The following ESRRG variants were observed in gnomAD, a reference collection of about 807,000 sequenced individuals.
ESRRG encodes the protein estrogen-related receptor gamma.
In ESRRG, 13 loss-of-function variants were observed where a neutral mutation model predicts 44.0. The ratio of observed to expected loss-of-function variants is 0.30; its 90% confidence interval spans 0.19 to 0.47. The LOEUF is 0.47. Ranked by LOEUF, ESRRG falls within the 20% of genes least tolerant of loss-of-function variation. ESRRG has a pLI of 1.00. For synonymous variants in ESRRG, 215 were observed against 214.6 expected (o/e 1.00, Z -0.02); for missense variants, 395 against 580.6 (o/e 0.68, Z 3.29).
intron 2 of ESRRG, among the ~76,000 whole-genome samples, chr1:216,879,484 C>CAAAAAAAAAAA (rs755104959): frequency 4.5e-5 from 4 of 89,420 alleles, no homozygotes; most frequent in Admixed American, 1.3e-4. Flanking sequence ...AAAAGGCCAC[C>CAAAAAAAAAAA]AAAAAAAAAA....
chr1:216,531,130 G>A (rs777372891), intron 5 of ESRRG, among the ~76,000 whole-genome samples: 5 of 152,192 alleles, frequency 3.3e-5, no homozygotes, highest in East Asian at 1.9e-4. Context: ...ATGAAAGAAC[G>A]TAGAAGAAAT....
intron 5 of ESRRG, among the ~76,000 whole-genome samples, chr1:216,521,463 A>AT (rs1279029393): frequency 1.2e-4 from 18 of 152,054 alleles, no homozygotes; most frequent in Admixed American, 1.2e-3. Flanking sequence ...AAAAAAAAAA[A>AT]ATCATCTGGA....
intron 1 of ESRRG, among the ~76,000 whole-genome samples, chr1:216,686,977 T>A (rs1238085271): frequency 6.6e-6 from 1 of 152,022 alleles, no homozygotes; most frequent in Non-Finnish European, 1.5e-5. Context: ...AACTTCCATT[T>A]CCTTTGCTGC....
chr1:216,667,013 G>C (rs2074079040), intron 2 of ESRRG, among the ~76,000 whole-genome samples: 1 of 152,118 alleles, frequency 6.6e-6, no homozygotes, highest in Non-Finnish European at 1.5e-5. Flanking sequence ...TCGGGAACAG[G>C]TACGTTTGAG....
chr1:216,908,867 A>G (rs1375816158), intron 2 of ESRRG, among the ~76,000 whole-genome samples: 2 of 151,690 alleles, frequency 1.3e-5, no homozygotes. Flanking sequence ...TCTACACCAC[A>G]GATTTCGCTC....
intron 3 of ESRRG, among the ~76,000 whole-genome samples, chr1:216,648,915 A>C (rs2068253673): frequency 6.6e-6 from 1 of 152,184 alleles, no homozygotes; most frequent in African/African-American, 2.4e-5. Context: ...CAACAAAACT[A>C]AGTGGCAACA....
At chr1:216,560,721 A>T (rs2058558099) in intron 5 of ESRRG, among the ~76,000 whole-genome samples, 1 of 152,182 alleles carries the variant, frequency 6.6e-6, no homozygotes, top group African/African-American at 2.4e-5. Flanking sequence ...AACAATGGAG[A>T]GGGAGTGAAG....
chr1:216,754,252 C>T (rs1450597444), intron 2 of ESRRG, among the ~76,000 whole-genome samples: 1 of 152,008 alleles, frequency 6.6e-6, no homozygotes, highest in Non-Finnish European at 1.5e-5. Flanking sequence ...GGTCTAAACC[C>T]TGGGGAATCC....
intron 1 of ESRRG, among the ~76,000 whole-genome samples, chr1:216,678,087 C>T (rs1278745757): frequency 3.3e-5 from 5 of 152,190 alleles, no homozygotes; most frequent in African/African-American, 1.2e-4. Flanking sequence ...ATTGATCTGA[C>T]TAAAACACAT....
At chr1:217,047,196 C>T (rs1023278514) in intron 1 of ESRRG, among the ~76,000 whole-genome samples, 5 of 152,010 alleles carry the variant, frequency 3.3e-5, no homozygotes, top group Non-Finnish European at 4.4e-5. Flanking sequence ...CATCTACCAA[C>T]TTTATGATTA....
At chr1:216,731,136 T>C (rs1488762754) in intron 2 of ESRRG, among the ~76,000 whole-genome samples, 1 of 152,250 alleles carries the variant, frequency 6.6e-6, no homozygotes, top group African/African-American at 2.4e-5. Context: ...AGATATGTCC[T>C]GAACCCAAAT....
intron 1 of ESRRG, among the ~76,000 whole-genome samples, chr1:217,055,355 G>C (rs180875070): frequency 4.6e-5 from 7 of 152,246 alleles, no homozygotes; most frequent in Admixed American, 1.3e-4. Context: ...GAGTCCAGTG[G>C]TGGCTGGCTG....
chr1:216,523,488 CTGTTTTTTTTTT>C (rs1292417931), intron 5 of ESRRG, among the ~76,000 whole-genome samples: 5 of 131,634 alleles, frequency 3.8e-5, no homozygotes, highest in Non-Finnish European at 7.9e-5. Context: ...TCATCAAGCA[CTGTTTTTTTTTT>C]TGTTTTTTTT....
chr1:216,955,364 C>T (rs2067757807), intron 1 of ESRRG, among the ~76,000 whole-genome samples: 2 of 152,126 alleles, frequency 1.3e-5, no homozygotes, highest in African/African-American at 2.4e-5. Context: ...CTGTGAATGA[C>T]AAAAATCTCA....
Position 216,562,609 on chromosome 1 carries a change from C to T in ESRRG, c.862+1610G>A, listed in dbSNP as rs377401699. On this transcript the variant is annotated intron_variant, in intron 5 of 6. Coordinates refer to ENST00000408911, the MANE Select transcript of ESRRG (RefSeq NM_001438.4). ...TCTAGTGGGTAGAGGCCATGGGTGCCGCTAAACCTCCTACAATGAACAAGG... is the reference window on the plus strand; with the variant it reads ...TCTAGTGGGTAGAGGCCATGGGTGCTGCTAAACCTCCTACAATGAACAAGG... 1.6e-4 allele frequency among the ~76,000 whole-genome samples: 24 copies of T among 152,016 alleles called. No homozygotes were observed. The South Asian group carries it at 4.4e-3, about 28-fold the overall frequency.
chr1:216,543,157 A>G (rs539173086), intron 5 of ESRRG, among the ~76,000 whole-genome samples: 1 of 152,142 alleles, frequency 6.6e-6, no homozygotes, highest in South Asian at 2.1e-4. Flanking sequence ...TCTTCAAATC[A>G]CTGACAAGAA....
intron 1 of ESRRG, among the ~76,000 whole-genome samples, chr1:217,065,283 C>T (rs1415927837): frequency 6.6e-6 from 1 of 152,168 alleles, no homozygotes. Context: ...AACTTAATTC[C>T]CTAGACTCAA....
chr1:217,122,576 T>G (rs897919199), intron 1 of ESRRG, among the ~76,000 whole-genome samples: 1 of 151,964 alleles, frequency 6.6e-6, no homozygotes, highest in Admixed American at 6.6e-5. Context: ...GGCTTCTTCA[T>G]CCGGTGGTTC....
At chr1:216,965,498 C>T (rs2070122173) in intron 1 of ESRRG, among the ~76,000 whole-genome samples, 2 of 152,178 alleles carry the variant, frequency 1.3e-5, no homozygotes, top group Non-Finnish European at 2.9e-5. Flanking sequence ...AGGCCCTGAC[C>T]TCCTGTGGCT....
Sources: gnomAD v4.1 joint callset for allele counts (sites outside exome capture counted in the v4.1 genomes callset) on GRCh38, gnomAD v4.1.1 for gene constraint, MANE v1.5 for transcripts, NCBI Gene and HGNC (gene_info 2026-07-23, HGNC 2026-07-21) for gene names.